The following GABARAPL2 variants were observed in gnomAD, a reference collection of about 807,000 sequenced individuals.
The protein encoded by GABARAPL2 is gamma-aminobutyric acid receptor-associated protein-like 2.
In GABARAPL2, 11 loss-of-function variants were observed where a neutral mutation model predicts 16.9. That is an observed-to-expected ratio of 0.65 (90% CI 0.41 to 1.08). The LOEUF (loss-of-function observed/expected upper bound fraction) is 1.08. Ranked by LOEUF, GABARAPL2 falls within the 50% of genes least tolerant of loss-of-function variation. The probability of loss-of-function intolerance (pLI) is 0.00; values close to 1 mark genes in which losing one functional copy is unlikely to be tolerated. For synonymous variants in GABARAPL2, 57 were observed against 50.7 expected, an observed-to-expected ratio of 1.12 and a Z score of -0.53; for missense variants, 134 against 142.5, an observed-to-expected ratio of 0.94 and a Z score of 0.30.
intron 2 of GABARAPL2, among the ~76,000 whole-genome samples, chr16:75,567,304 C>G (rs951548741): frequency 6.6e-6 from 1 of 152,186 alleles, no homozygotes; most frequent in South Asian, 2.1e-4. Context: ...CCATCTTTAC[C>G]TAACTTCTAG....
At chr16:75,569,446 C>T (rs1376220252) in intron 3 of GABARAPL2, among the ~76,000 whole-genome samples, 3 of 152,212 alleles carry the variant, frequency 2.0e-5, no homozygotes, top group Admixed American at 6.5e-5. Flanking sequence ...CTTCCCAGGC[C>T]TCTGGGCTGT....
intron 3 of GABARAPL2, among the ~76,000 whole-genome samples, chr16:75,570,226 A>C (rs573879088): frequency 5.9e-5 from 9 of 152,092 alleles, no homozygotes; most frequent in African/African-American, 1.9e-4. Context: ...CTCCCTAATA[A>C]CTGGGACAGG....
intron 3 of GABARAPL2, among the ~76,000 whole-genome samples, chr16:75,573,955 T>C (rs1210022480): frequency 6.6e-6 from 1 of 152,238 alleles, no homozygotes; most frequent in African/African-American, 2.4e-5. Context: ...GTATAAGCAG[T>C]GCTTGGCACA....
In GABARAPL2 at chr16:75,577,525, G is replaced by T. The variant is rs964026703; in HGVS notation, c.*156G>T. 5.2e-6 allele frequency: 3 copies of T among 579,562 alleles called. No individual in the cohort carries two copies. The African/African-American group carries it at 5.6e-5, about 11-fold the overall frequency. 35.9% of individuals were successfully genotyped at this position (579,562 alleles called of 1,614,324 possible). A position where few individuals can be genotyped will look rare whatever the true frequency, so the allele number is the denominator to read the frequency against. On this transcript the variant is annotated 3_prime_UTR_variant, in exon 4 of 4. Coordinates refer to ENST00000037243, the MANE Select transcript of GABARAPL2 (RefSeq NM_007285.7). ...TATATTGGAAGGTTTTGTTTCCTTA[G>T]ACTAGTAAATTATCATACAGAGTTT...
intron 1 of GABARAPL2, 23 bp from the exon 2 acceptor site, chr16:75,566,829 A>G (rs748317076): frequency 1.2e-6 from 2 of 1,608,630 alleles, no homozygotes; most frequent in African/African-American, 2.7e-5. Context: ...CGCGGCCGTC[A>G]GCCCCGTTTG....
At chr16:75,567,967 GCTC>G in intron 2 of GABARAPL2, 67 bp from the exon 3 acceptor site, 1 of 1,219,136 alleles carries the variant, frequency 8.2e-7, no homozygotes. Flanking sequence ...CTGTTCATCA[GCTC>G]CTCAGCCATG....
chr16:75,574,711 A>G (rs1277970563), intron 3 of GABARAPL2, among the ~76,000 whole-genome samples: 7 of 151,990 alleles, frequency 4.6e-5, no homozygotes, highest in South Asian at 2.1e-4. Context: ...CTCCCCCCCA[A>G]CAAAAGGTCA....
intron 2 of GABARAPL2, among the ~76,000 whole-genome samples, chr16:75,567,785 A>G (rs564306266): frequency 6.6e-6 from 1 of 152,336 alleles, no homozygotes; most frequent in Admixed American, 6.5e-5. Flanking sequence ...AATGTGGAAA[A>G]GCTTAGTGGT....
intron 3 of GABARAPL2, among the ~76,000 whole-genome samples, chr16:75,569,509 T>C (rs771536183): frequency 6.6e-5 from 10 of 152,254 alleles, no homozygotes; most frequent in Non-Finnish European, 8.8e-5. Context: ...TGGGCTTTCC[T>C]TAACGTGTTT....
chr16:75,568,250 T>A, intron 3 of GABARAPL2, 41 bp downstream of exon 3: 1 of 1,437,740 alleles, frequency 7.0e-7, no homozygotes, highest in Middle Eastern at 1.8e-4. Flanking sequence ...GTATTAGACA[T>A]CTGGTTGGCT....
rs947166290 is a variant in GABARAPL2 at position 75,577,295 on chromosome 16, C to G, written c.280C>G (p.Leu94Val). ...VPQSSLTMGQLYEKEKDEDGF... is the reference protein window; with the variant it reads ...VPQSSLTMGQVYEKEKDEDGF... Reference sequence around the variant, plus strand: ...TCTTTCAAGCCTAACTATGGGACAGCTTTACGAGAAGGAAAAAGATGAAGA... The same window carrying G: ...TCTTTCAAGCCTAACTATGGGACAGGTTTACGAGAAGGAAAAAGATGAAGA... Residue 94 changes from leucine (L) to valine (V), a missense_variant, in exon 4 of 4, where the codon CTT (leucine) becomes GTT (valine). Physicochemically the swap from Leu to Val is conservative, Grantham distance 32 (BLOSUM62 1). Transcript: ENST00000037243. The G allele has an allele frequency of 2.5e-6, 4 of 1,609,458 alleles. No homozygotes were observed. Among genetic ancestry groups the G allele is most frequent in the Non-Finnish European group, 3.4e-6 (4 of 1,175,878 alleles).
At chr16:75,568,584 T>C (rs2080897312) in intron 3 of GABARAPL2, among the ~76,000 whole-genome samples, 1 of 152,260 alleles carries the variant, frequency 6.6e-6, no homozygotes, top group Non-Finnish European at 1.5e-5. Context: ...TGGGCCCTGC[T>C]GAGGCTCACT....
intron 1 of GABARAPL2, 61 bp from the exon 2 acceptor site, chr16:75,566,790 CG>C (rs1210329434): frequency 5.4e-6 from 8 of 1,470,684 alleles, no homozygotes; most frequent in Admixed American, 3.3e-5. Context: ...GGAGGAGGGC[CG>C]GGGGCCGGGA....
chr16:75,566,752 G>C, intron 1 of GABARAPL2, 100 bp from the exon 2 acceptor site: 2 of 1,217,076 alleles, frequency 1.6e-6, no homozygotes, highest in Non-Finnish European at 2.4e-6. Flanking sequence ...GCCGGAACCA[G>C]GGCCTGGGTT....
chr16:75,575,010 C>A (rs543400412), intron 3 of GABARAPL2, among the ~76,000 whole-genome samples: 2 of 152,046 alleles, frequency 1.3e-5, no homozygotes, highest in Admixed American at 1.3e-4. Flanking sequence ...CCAGCCCAAG[C>A]GACAGAGCAA....
At chr16:75,573,940 G>T (rs998741246) in intron 3 of GABARAPL2, among the ~76,000 whole-genome samples, 5 of 152,214 alleles carry the variant, frequency 3.3e-5, no homozygotes, top group African/African-American at 1.2e-4. Flanking sequence ...GTTAATACAT[G>T]TAATGTATAA....
intron 2 of GABARAPL2, among the ~76,000 whole-genome samples, chr16:75,567,688 A>G (rs2080892122): frequency 6.6e-6 from 1 of 152,082 alleles, no homozygotes; most frequent in African/African-American, 2.4e-5. Context: ...TGTTTCCTGT[A>G]GTGTGAAGGT....
intron 3 of GABARAPL2, among the ~76,000 whole-genome samples, chr16:75,571,921 G>C (rs1424051498): frequency 2.0e-5 from 3 of 151,896 alleles, no homozygotes; most frequent in Non-Finnish European, 4.4e-5. Context: ...CAGGTGATTC[G>C]CCGACCTTGG....
At position 75,566,835 on chromosome 16, in the gene GABARAPL2, G is replaced by A. The variant is rs369716750; in HGVS notation, c.35-17G>A. On this transcript the variant is annotated splice_polypyrimidine_tract_variant and intron_variant, in intron 1 of 3. Coordinates refer to ENST00000037243, the MANE Select transcript of GABARAPL2 (RefSeq NM_007285.7). ...GTGGGCAGGCGCGGCCGTCAGCCCCGTTTGTTTCTCCCACAGAACACAGAT... is the reference window on the plus strand; with the variant it reads ...GTGGGCAGGCGCGGCCGTCAGCCCCATTTGTTTCTCCCACAGAACACAGAT... The A allele has an allele frequency of 1.2e-6, 2 of 1,611,744 alleles. No homozygotes were observed. Among genetic ancestry groups the A allele is most frequent in the Non-Finnish European group, 1.7e-6 (2 of 1,179,150 alleles).
Sources: allele counts gnomAD v4.1 joint callset (sites outside exome capture counted in the v4.1 genomes callset), GRCh38; gene constraint gnomAD v4.1.1; transcripts MANE v1.5; gene names NCBI Gene and HGNC (gene_info 2026-07-23, HGNC 2026-07-21).